The following FBXO42 variants were observed in gnomAD, a reference collection of about 807,000 sequenced individuals.
FBXO42 encodes the protein F-box protein 42.
A neutral mutation model predicts 71.7 loss-of-function variants in FBXO42; 12 were observed. That is an observed-to-expected ratio of 0.17 (90% confidence interval 0.11 to 0.27). FBXO42 has a LOEUF of 0.27. FBXO42 is among the 10% of genes least tolerant of loss of function. The pLI is 1.00. For missense variants in FBXO42, 707 were observed against 911.9 expected, an observed-to-expected ratio of 0.78 and a Z score of 2.89; for synonymous variants, 325 against 327.5, an observed-to-expected ratio of 0.99 and a Z score of 0.08.
intron 1 of FBXO42, among the ~76,000 whole-genome samples, chr1:16,350,743 CAAAAAAAAAAA>C (rs143818159): frequency 1.5e-5 from 1 of 65,756 alleles, no homozygotes; most frequent in African/African-American, 6.1e-5. Context: ...TGAGAAACTG[CAAAAAAAAAAA>C]AAAAAAGAAA....
intron 6 of FBXO42, among the ~76,000 whole-genome samples, chr1:16,255,191 C>T (rs1478323279): frequency 6.6e-6 from 1 of 152,112 alleles, no homozygotes; most frequent in Non-Finnish European, 1.5e-5. Context: ...AACCATATGT[C>T]AAAGAGATTC....
chr1:16,314,711 C>T lies in FBXO42; in HGVS notation c.250+458G>A, dbSNP rs562563274. ...TATTCTGGCTAACACAGTGAAACCC[C>T]GTCTCTAGTAAAAATACAAAAAATC... On this transcript the variant is annotated intron_variant, in intron 2 of 9. Coordinates refer to ENST00000375592, the MANE Select transcript of FBXO42 (RefSeq NM_018994.3). 3.3e-5 allele frequency among the ~76,000 whole-genome samples: 5 copies of T among 152,062 alleles called. No individual in the cohort carries two copies. In the South Asian group the frequency reaches 1.0e-3, roughly 32 times the overall value.
At chr1:16,271,130 G>A (rs2081839018) in intron 4 of FBXO42, among the ~76,000 whole-genome samples, 1 of 152,060 alleles carries the variant, frequency 6.6e-6, no homozygotes, top group Non-Finnish European at 1.5e-5. Context: ...CCAGGTGTGA[G>A]GCTAAAATAC....
intron 1 of FBXO42, among the ~76,000 whole-genome samples, chr1:16,323,794 CAAAAAAAAAAAAAAAA>C (rs1158421632): frequency 1.6e-5 from 1 of 63,252 alleles, no homozygotes; most frequent in South Asian, 6.7e-4. Context: ...GACTCTGTCT[CAAAAAAAAAAAAAAAA>C]AAAAAAAAGA....
rs1442086783 is a variant in FBXO42, at chr1:16,294,820, G to A, written c.465C>T (p.Asp155=). Residue 155 remains aspartate (D), a synonymous_variant, in exon 4 of 10, where the codon GAC becomes GAT. Transcript: ENST00000375592. ...NAAFNDLWRL[D]LNSKEWIRPL... Reference sequence around the variant, plus strand: ...GTCGGATCCACTCTTTGCTGTTTAGGTCAAGTCTCCAGAGGTCATTGAAAG... The same window carrying A: ...GTCGGATCCACTCTTTGCTGTTTAGATCAAGTCTCCAGAGGTCATTGAAAG... 2 of 1,614,056 alleles carry A rather than the reference G, an allele frequency of 1.2e-6. No homozygotes were observed. Among genetic ancestry groups the A allele is most frequent in the South Asian group, 2.2e-5 (2 of 91,076 alleles).
intron 1 of FBXO42, among the ~76,000 whole-genome samples, chr1:16,333,101 C>T (rs2082516781): frequency 6.6e-6 from 1 of 152,086 alleles, no homozygotes; most frequent in South Asian, 2.1e-4. Context: ...TAAGAGTTAC[C>T]TCTTCTTGAG....
intron 1 of FBXO42, among the ~76,000 whole-genome samples, chr1:16,342,438 T>C (rs11260732): frequency 0.17 from 25,034 of 145,246 alleles, 2,491 homozygotes; most frequent in Non-Finnish European, 0.22. Context: ...ACAGAAACAA[T>C]GGACACGGTG....
chr1:16,305,771 G>T, intron 3 of FBXO42, 32 bp downstream of exon 3: 1 of 1,548,412 alleles, frequency 6.5e-7, no homozygotes, highest in Non-Finnish European at 8.9e-7. Context: ...ACCACAGGCA[G>T]GGTGGAATCT....
intron 1 of FBXO42, among the ~76,000 whole-genome samples, chr1:16,320,915 T>C (rs2082405412): frequency 6.6e-6 from 1 of 152,122 alleles, no homozygotes; most frequent in Non-Finnish European, 1.5e-5. Flanking sequence ...ATGGTTGACA[T>C]TTAAATTAAA....
At chr1:16,322,686 G>A (rs563223742) in intron 1 of FBXO42, among the ~76,000 whole-genome samples, 1 of 152,226 alleles carries the variant, frequency 6.6e-6, no homozygotes, top group African/African-American at 2.4e-5. Flanking sequence ...ATAAATTAAG[G>A]TTAAGATTTT....
chr1:16,289,408 T>TAA (rs58450626), intron 4 of FBXO42, among the ~76,000 whole-genome samples: 51 of 139,328 alleles, frequency 3.7e-4, no homozygotes, highest in Non-Finnish European at 5.6e-4. Context: ...ATTGTCTCTT[T>TAA]AAAAAAAAAA....
chr1:16,321,343 A>T (rs1235568177), intron 1 of FBXO42, among the ~76,000 whole-genome samples: 2 of 152,216 alleles, frequency 1.3e-5, no homozygotes, highest in Admixed American at 1.3e-4. Flanking sequence ...ATGATTAGGT[A>T]ATAAAATCAT....
chr1:16,330,658 T>C (rs1304857378), intron 1 of FBXO42, among the ~76,000 whole-genome samples: 1 of 151,834 alleles, frequency 6.6e-6, no homozygotes, highest in Non-Finnish European at 1.5e-5. Flanking sequence ...AATACAAAAA[T>C]TGGCCAGGTG....
At position 16,252,471 on chromosome 1, in the gene FBXO42, G is replaced by A; in HGVS notation, c.922-67C>T. 2.4e-6 allele frequency: 3 copies of A among 1,236,340 alleles called. No individual in the cohort carries two copies. The highest frequency in any genetic ancestry group is 1.7e-5 in the Admixed American group (1 of 59,038). 76.6% of individuals were successfully genotyped at this position (1,236,340 alleles called of 1,614,324 possible). A position where few individuals can be genotyped will look rare whatever the true frequency, so the allele number is the denominator to read the frequency against. On this transcript the variant is annotated intron_variant, in intron 8 of 9. Transcript: ENST00000375592. The surrounding 1 kb of genome is among the most constrained non-coding windows in gnomAD (Gnocchi z 4.4). ...GCGTTCCAAAACACACACACACAGAGTTGCAGTCTCAAAGCTCTCCTGTCT... is the reference window on the plus strand; with the variant it reads ...GCGTTCCAAAACACACACACACAGAATTGCAGTCTCAAAGCTCTCCTGTCT...
At chr1:16,303,520 G>A (rs1038115187) in intron 3 of FBXO42, among the ~76,000 whole-genome samples, 3 of 152,016 alleles carry the variant, frequency 2.0e-5, no homozygotes, top group African/African-American at 7.2e-5. Context: ...GGTTATTAAT[G>A]GTCTTTAGTC....
chr1:16,319,886 G>A (rs2082398185), intron 1 of FBXO42, among the ~76,000 whole-genome samples: 1 of 151,624 alleles, frequency 6.6e-6, no homozygotes. Flanking sequence ...CCTCTAGCCT[G>A]GGCAACAGAG....
chr1:16,261,743 G>T (rs536732253), intron 4 of FBXO42, among the ~76,000 whole-genome samples: 233 of 151,630 alleles, frequency 1.5e-3, no homozygotes, highest in African/African-American at 5.4e-3. Context: ...TCACTCTGTC[G>T]CTCAGGCTGG....
chr1:16,333,116 T>C (rs774937777), intron 1 of FBXO42, among the ~76,000 whole-genome samples: 18 of 152,282 alleles, frequency 1.2e-4, no homozygotes, highest in East Asian at 1.9e-4. Context: ...CTTGAGGTTC[T>C]ATCCCCTCCA....
intron 1 of FBXO42, among the ~76,000 whole-genome samples, chr1:16,329,678 G>T (rs145817333): frequency 6.6e-6 from 1 of 151,778 alleles, no homozygotes. Flanking sequence ...GGCTGGGTGC[G>T]GTGGCTTATG....
Sources: gnomAD v4.1 joint callset for allele counts (sites outside exome capture counted in the v4.1 genomes callset) on GRCh38, gnomAD v4.1.1 for gene constraint, Gnocchi (gnomAD v3.1) non-coding constraint, MANE v1.5 for transcripts, NCBI Gene and HGNC (gene_info 2026-07-23, HGNC 2026-07-21) for gene names.